CLDN16: variants seen among roughly 807,000 people sequenced by gnomAD.
The protein encoded by CLDN16 is claudin-16.
Under a neutral mutation model 24.6 loss-of-function variants are expected in CLDN16, and 13 were observed. The ratio of observed to expected loss-of-function variants is 0.53; its 90% CI spans 0.34 to 0.84. CLDN16 has a LOEUF of 0.84. Among genes scored for constraint, CLDN16 ranks in the 40% least tolerant of loss-of-function variants. CLDN16 has a pLI of 0.01. For synonymous variants in CLDN16, 116 were observed against 106.7 expected, an observed-to-expected ratio of 1.09 and a Z score of -0.54; for missense variants, 298 against 292.7, an observed-to-expected ratio of 1.02 and a Z score of -0.13.
chr3:190,401,905 T>C (rs1718972269), intron 1 of CLDN16, among the ~76,000 whole-genome samples: 2 of 152,134 alleles, frequency 1.3e-5, no homozygotes, highest in African/African-American at 2.4e-5. Context: ...AAAGAAACAA[T>C]ATATATTTTT....
the CLDN16 span, among the ~76,000 whole-genome samples, chr3:190,300,887 A>G: frequency 3.3e-5 from 5 of 152,166 alleles, no homozygotes; most frequent in Non-Finnish European, 2.9e-5. Context: ...ACCCTAACAC[A>G]CCAGATTTCT....
At chr3:190,340,497 G>A (rs1276587335) in intron 1 of CLDN16, among the ~76,000 whole-genome samples, 3 of 152,108 alleles carry the variant, frequency 2.0e-5, no homozygotes, top group South Asian at 2.1e-4. Context: ...TAACATGAGA[G>A]GGTAGCACAG....
chr3:190,360,580 C>T (rs2063333212), intron 1 of CLDN16, among the ~76,000 whole-genome samples: 1 of 151,840 alleles, frequency 6.6e-6, no homozygotes, highest in Non-Finnish European at 1.5e-5. Context: ...TATTATATTC[C>T]ATTACATTAT....
upstream of CLDN16, among the ~76,000 whole-genome samples, chr3:190,320,092 T>C (rs570678351): frequency 2.6e-5 from 4 of 151,610 alleles, no homozygotes; most frequent in African/African-American, 9.7e-5. Context: ...AGGTATTTAG[T>C]CCTTTCACCC....
intron 1 of CLDN16, among the ~76,000 whole-genome samples, chr3:190,326,901 G>A (rs1472461949): frequency 1.3e-5 from 2 of 152,130 alleles, no homozygotes; most frequent in Non-Finnish European, 2.9e-5. Context: ...TTTTATCTTA[G>A]AGATACTAGA....
the CLDN16 span, among the ~76,000 whole-genome samples, chr3:190,311,967 T>TC: frequency 1.3e-5 from 2 of 151,676 alleles, no homozygotes; most frequent in Admixed American, 1.3e-4. Context: ...TTTTCTTTTT[T>TC]TTTTAGACAG....
chr3:190,319,076 G>A (rs1716848907), upstream of CLDN16, among the ~76,000 whole-genome samples: 1 of 152,074 alleles, frequency 6.6e-6, no homozygotes, highest in East Asian at 1.9e-4. Flanking sequence ...TTCTCTGCTT[G>A]CACACCTCCC....
chr3:190,385,810 T>C (rs147277799), upstream of CLDN16, among the ~76,000 whole-genome samples: 738 of 152,286 alleles, frequency 4.8e-3, 6 homozygotes, highest in African/African-American at 0.017. Flanking sequence ...TCTTAAAAAA[T>C]TGTTTTTCTT....
chr3:190,324,375 T>C (rs1022855519), intron 1 of CLDN16, among the ~76,000 whole-genome samples: 2 of 151,854 alleles, frequency 1.3e-5, no homozygotes, highest in Non-Finnish European at 2.9e-5. Flanking sequence ...TCCAGCTACT[T>C]GGGAGGCTGA....
At chr3:190,307,478 G>C in the CLDN16 span, 1 of 152,248 alleles carries the variant, frequency 6.6e-6, no homozygotes. Context: ...TCAGAGTACA[G>C]GGATTGTGTG....
chr3:190,364,330 T>G (rs925781772), intron 1 of CLDN16, among the ~76,000 whole-genome samples: 1 of 151,918 alleles, frequency 6.6e-6, no homozygotes, highest in Non-Finnish European at 1.5e-5. Context: ...CACCCGTTCA[T>G]GTAGCTCTTG....
chr3:190,398,594 T>C (rs1290122775), intron 1 of CLDN16, among the ~76,000 whole-genome samples: 3 of 152,216 alleles, frequency 2.0e-5, no homozygotes, highest in Non-Finnish European at 4.4e-5. Flanking sequence ...GGTAAGAATG[T>C]GGACATATCT....
chr3:190,388,670 C>T (rs1718572163), intron 1 of CLDN16, among the ~76,000 whole-genome samples: 2 of 152,138 alleles, frequency 1.3e-5, no homozygotes, highest in South Asian at 4.1e-4. Context: ...CTAAATAGTT[C>T]CTCCTTTTTT....
chr3:190,322,478 G>A (rs1716956620), upstream of CLDN16: 5 of 492,296 alleles, frequency 1.0e-5, no homozygotes, highest in Non-Finnish European at 1.8e-5. Context: ...ATTTAAAGCA[G>A]CTCCGCCCGC....
intron 1 of CLDN16, among the ~76,000 whole-genome samples, chr3:190,394,735 A>T (rs1718772710): frequency 6.6e-6 from 1 of 152,186 alleles, no homozygotes; most frequent in South Asian, 2.1e-4. Flanking sequence ...TATTAATGAT[A>T]TGAGGTGATT....
At position 190,404,768 on chromosome 3, in the gene CLDN16, T is replaced by C. The variant is rs104893731; in HGVS notation, c.224T>C (p.Leu75Pro). ...DSILAEHPLKLVVTRALMITA... is the reference protein window; with the variant it reads ...DSILAEHPLKPVVTRALMITA... ...ATATGCCCTGGTCTTCCAGTGAAGCTGGTGGTAACTCGAGCGTTGATGATT... is the reference window on the plus strand; with the variant it reads ...ATATGCCCTGGTCTTCCAGTGAAGCCGGTGGTAACTCGAGCGTTGATGATT... Residue 75 changes from leucine (L) to proline (P), a missense_variant, in exon 3 of 5, where the codon CTG becomes CCG. Coordinates refer to ENST00000264734, the MANE Select transcript of CLDN16 (RefSeq NM_006580.4). 6 of 1,614,080 alleles carry C rather than the reference T, an allele frequency of 3.7e-6. No individual in the cohort carries two copies. The highest frequency in any genetic ancestry group is 5.1e-6 in the Non-Finnish European group (6 of 1,180,014).
At chr3:190,372,362 G>A (rs989974747) in intron 2 of CLDN16, among the ~76,000 whole-genome samples, 2 of 151,838 alleles carry the variant, frequency 1.3e-5, no homozygotes, top group African/African-American at 4.8e-5. Context: ...CTAGTATTGA[G>A]CCTGGCACAG....
At chr3:190,405,420 G>T (rs1475873455) in intron 3 of CLDN16, among the ~76,000 whole-genome samples, 2 of 107,398 alleles carry the variant, frequency 1.9e-5, no homozygotes, top group East Asian at 2.8e-4. Flanking sequence ...GCAAGACTCC[G>T]TCTCACGGAA....
At chr3:190,356,116 A>G (rs1002276177) in intron 1 of CLDN16, among the ~76,000 whole-genome samples, 4 of 151,822 alleles carry the variant, frequency 2.6e-5, no homozygotes, top group Non-Finnish European at 5.9e-5. Context: ...TGAAAAGAAT[A>G]AAAGTCATCA....
Sources: allele counts gnomAD v4.1 joint callset (sites outside exome capture counted in the v4.1 genomes callset), GRCh38; gene constraint gnomAD v4.1.1; transcripts MANE v1.5; gene names NCBI Gene and HGNC (gene_info 2026-07-23, HGNC 2026-07-21).